LINGO2: variants seen among roughly 807,000 people sequenced by gnomAD.
LINGO2 encodes leucine-rich repeat and immunoglobulin-like domain-containing nogo receptor-interacting protein 2.
In LINGO2, 14 loss-of-function variants were observed where a neutral mutation model predicts 30.6. The ratio of observed to expected loss-of-function variants is 0.46; its 90% confidence interval spans 0.30 to 0.72. The LOEUF (loss-of-function observed/expected upper bound fraction) is 0.72, where lower values mean the gene tolerates loss of function less well. Among genes scored for constraint, LINGO2 ranks in the 30% least tolerant of loss-of-function variants. LINGO2 has a pLI of 0.07. For synonymous variants in LINGO2, 317 were observed against 288.5 expected (o/e 1.10, Z -1.00); for missense variants, 729 against 751.7 (o/e 0.97, Z 0.35).
At chr9:28,400,525 A>G (rs1456510298) in intron 2 of LINGO2, among the ~76,000 whole-genome samples, 1 of 152,176 alleles carries the variant, frequency 6.6e-6, no homozygotes, top group Non-Finnish European at 1.5e-5. Flanking sequence ...GGTTTAAACA[A>G]CTGGTTTGTT....
chr9:28,927,281 A>C, the LINGO2 span, among the ~76,000 whole-genome samples: 1 of 152,210 alleles, frequency 6.6e-6, no homozygotes, highest in Non-Finnish European at 1.5e-5. Context: ...CTTTCATTCT[A>C]TGCTTTCTCT....
At chr9:28,725,266 A>T in the LINGO2 span, among the ~76,000 whole-genome samples, 1 of 152,066 alleles carries the variant, frequency 6.6e-6, no homozygotes, top group Non-Finnish European at 1.5e-5. Flanking sequence ...AAAAGGGCTT[A>T]TTAGAGTTAA....
intron 1 of LINGO2, among the ~76,000 whole-genome samples, chr9:28,587,741 A>G (rs1000288243): frequency 6.6e-6 from 1 of 151,680 alleles, no homozygotes; most frequent in Non-Finnish European, 1.5e-5. Context: ...AACTGAAAGC[A>G]CTCGGGTTAC....
At chr9:28,684,874 T>C in the LINGO2 span, among the ~76,000 whole-genome samples, 5 of 152,128 alleles carry the variant, frequency 3.3e-5, no homozygotes, top group African/African-American at 1.2e-4. Context: ...TGCACGTTTG[T>C]TATACAGGTA....
the LINGO2 span, among the ~76,000 whole-genome samples, chr9:28,884,931 T>A: frequency 8.3e-5 from 1 of 12,058 alleles, no homozygotes; most frequent in African/African-American, 2.6e-4. Flanking sequence ...ATATATAATA[T>A]TATATATAAT....
At chr9:28,886,224 T>C in the LINGO2 span, among the ~76,000 whole-genome samples, 3 of 152,088 alleles carry the variant, frequency 2.0e-5, no homozygotes, top group Admixed American at 2.0e-4. Context: ...GAAAATTAAT[T>C]GCAGAGAAGA....
In LINGO2 at chr9:28,200,503, GAA is replaced by G. The variant is rs143548399; in HGVS notation, c.-87+94703_-87+94704del. Among the ~76,000 whole-genome samples the G allele has an allele frequency of 2.1e-3, 311 of 145,378 alleles. 2 individuals carry two copies. Among genetic ancestry groups the G allele is most frequent in the Middle Eastern group, 0.018 (5 of 282 alleles). On this transcript the variant is annotated intron_variant, in intron 4 of 5. Transcript: ENST00000379992. Reference sequence around the variant, plus strand: ...GTAAAGCAGGTATAGTTCTCTTAAGGAAAAAAAAAAATAACCATTTACATATG... The same window carrying G: ...GTAAAGCAGGTATAGTTCTCTTAAGGAAAAAAAAATAACCATTTACATATG...
In LINGO2 at chr9:28,044,576, TGTTTG is replaced by T. The variant is rs1393070413; in HGVS notation, c.-86-32176_-86-32172del. On this transcript the variant is annotated intron_variant, in intron 4 of 5. Transcript: ENST00000379992. The stretch of plus-strand genomic sequence containing the variant: ...AGATAGGCCTTATAACAATATTTTT[TGTTTG>T]GTTTGATTTTTTTTTAGGTTGACAG... Among the ~76,000 whole-genome samples, 9 of 152,296 alleles carry T rather than the reference TGTTTG, an allele frequency of 5.9e-5. No individual in the cohort carries two copies. In the East Asian group the frequency reaches 7.7e-4, roughly 13 times the overall value.
chr9:28,188,348 C>T (rs1434816631), intron 4 of LINGO2, among the ~76,000 whole-genome samples: 4 of 152,086 alleles, frequency 2.6e-5, no homozygotes, highest in Non-Finnish European at 5.9e-5. Context: ...TTGTTTTCTT[C>T]TTTCAGATGC....
intron 5 of LINGO2, among the ~76,000 whole-genome samples, chr9:27,978,784 C>T (rs937676887): frequency 1.3e-5 from 2 of 151,906 alleles, no homozygotes; most frequent in South Asian, 2.1e-4. Context: ...CACTGGATAC[C>T]TCTGTAAAAC....
intron 4 of LINGO2, among the ~76,000 whole-genome samples, chr9:28,024,719 A>G (rs1823294055): frequency 6.6e-6 from 1 of 152,148 alleles, no homozygotes; most frequent in Non-Finnish European, 1.5e-5. Context: ...TTGCATCTTC[A>G]TGGATATCCT....
the LINGO2 span, among the ~76,000 whole-genome samples, chr9:28,827,594 A>G: frequency 6.6e-6 from 1 of 152,168 alleles, no homozygotes; most frequent in African/African-American, 2.4e-5. Flanking sequence ...TTGACAATAC[A>G]TATTTGTTGA....
chr9:29,055,026 C>G, the LINGO2 span, among the ~76,000 whole-genome samples: 1 of 152,088 alleles, frequency 6.6e-6, no homozygotes, highest in Non-Finnish European at 1.5e-5. Flanking sequence ...TGAGACCAAC[C>G]TGACCAATTT....
chr9:29,020,146 A>G, the LINGO2 span, among the ~76,000 whole-genome samples: 2 of 152,194 alleles, frequency 1.3e-5, no homozygotes, highest in Non-Finnish European at 1.5e-5. Context: ...AAACACTGAA[A>G]TGGCTAACAT....
chr9:27,957,128 A>G (rs1365116612), intron 5 of LINGO2, among the ~76,000 whole-genome samples: 1 of 152,080 alleles, frequency 6.6e-6, no homozygotes, highest in Non-Finnish European at 1.5e-5. Flanking sequence ...ATAAAAATAA[A>G]TACTTTCTTT....
chr9:28,101,152 G>A (rs567637839), intron 4 of LINGO2, among the ~76,000 whole-genome samples: 6 of 152,060 alleles, frequency 3.9e-5, no homozygotes, highest in Non-Finnish European at 7.4e-5. Context: ...ATGAGACAAA[G>A]AGAGAAGACA....
At chr9:28,851,338 A>C in the LINGO2 span, among the ~76,000 whole-genome samples, 1 of 152,142 alleles carries the variant, frequency 6.6e-6, no homozygotes, top group South Asian at 2.1e-4. Flanking sequence ...CTCTGCCTTC[A>C]AAGCCAGCAA....
chr9:29,056,339 C>T, the LINGO2 span, among the ~76,000 whole-genome samples: 1 of 151,986 alleles, frequency 6.6e-6, no homozygotes, highest in African/African-American at 2.4e-5. Context: ...TTTGCATTTC[C>T]CTGATAATCA....
intron 4 of LINGO2, among the ~76,000 whole-genome samples, chr9:28,204,690 C>T (rs1403072318): frequency 1.3e-5 from 2 of 152,014 alleles, no homozygotes; most frequent in African/African-American, 4.8e-5. Context: ...TGCAACTCTT[C>T]CAAGAAGAAT....
Sources: allele counts gnomAD v4.1 joint callset (sites outside exome capture counted in the v4.1 genomes callset), GRCh38; gene constraint gnomAD v4.1.1; transcripts MANE v1.5; gene names NCBI Gene and HGNC (gene_info 2026-07-23, HGNC 2026-07-21).